CYP39A1: variants seen among roughly 807,000 people sequenced by gnomAD.
CYP39A1 encodes 24-hydroxycholesterol 7-alpha-hydroxylase.
Under a neutral mutation model 58.1 loss-of-function variants are expected in CYP39A1, and 49 were observed. The ratio of observed to expected loss-of-function variants is 0.84; its 90% CI spans 0.67 to 1.07. The LOEUF is 1.07. Among genes scored for constraint, CYP39A1 ranks in the 50% least tolerant of loss-of-function variants. The pLI is 0.00. For missense variants in CYP39A1, 531 were observed against 539.4 expected (o/e 0.98, Z 0.16); for synonymous variants, 209 against 187.6 (o/e 1.11, Z -0.93).
rs149265028 is a variant in CYP39A1 at position 46,570,907 on chromosome 6, C to T, written c.1250+16170G>A. Among the ~76,000 whole-genome samples the T allele has an allele frequency of 3.0e-3, 462 of 152,274 alleles. 1 individual carries two copies. The highest frequency in any genetic ancestry group is 0.011 in the African/African-American group (446 of 41,562). ...CAACATGAGATTTTGAGAGGACACA[C>T]ATCCATACCATATCAGATATGTTTC... is the stretch of plus-strand genomic sequence containing the variant. On this transcript the variant is annotated intron_variant, in intron 10 of 11. Coordinates refer to ENST00000275016, the MANE Select transcript of CYP39A1 (RefSeq NM_016593.5).
chr6:46,570,014 T>C (rs1771496130), intron 10 of CYP39A1, among the ~76,000 whole-genome samples: 1 of 152,136 alleles, frequency 6.6e-6, no homozygotes, highest in Non-Finnish European at 1.5e-5. Context: ...AGGAGACTTT[T>C]AATTTGTGAT....
intron 10 of CYP39A1, among the ~76,000 whole-genome samples, chr6:46,578,767 C>A (rs557936118): frequency 1.3e-5 from 2 of 151,976 alleles, no homozygotes; most frequent in South Asian, 4.2e-4. Flanking sequence ...CTGAACAGAC[C>A]AATAATGAGT....
intron 7 of CYP39A1, among the ~76,000 whole-genome samples, chr6:46,600,631 T>C (rs535294704): frequency 2.0e-4 from 31 of 152,178 alleles, no homozygotes; most frequent in African/African-American, 5.3e-4. Context: ...GTAACTTCCA[T>C]AAAATCCCTC....
Position 46,630,877 on chromosome 6 carries a change from A to C in CYP39A1, c.840+86T>G, listed in dbSNP as rs538395616. 5 of 1,117,638 alleles carry C rather than the reference A, an allele frequency of 4.5e-6. No individual in the cohort carries two copies. The South Asian group carries it at 7.2e-5, about 16-fold the overall frequency. 69.2% of individuals were successfully genotyped at this position (1,117,638 alleles called of 1,614,324 possible). On this transcript the variant is annotated intron_variant, in intron 6 of 11. Transcript: ENST00000275016. ...TTTTCCATAATGAGTGATGAGTGGA[A>C]AAAAGAATGGAAGACAGAAATGAAG...
At chr6:46,649,861 T>G (rs1762561881) in intron 1 of CYP39A1, among the ~76,000 whole-genome samples, 2 of 152,334 alleles carry the variant, frequency 1.3e-5, no homozygotes, top group South Asian at 4.1e-4. Context: ...GGGAAGATGT[T>G]TTTGTGGTCA....
In CYP39A1 at chr6:46,616,186, TCTTCTTTCCCTCC is replaced by T. The variant is rs1561994101; in HGVS notation, c.931+9219_931+9231del. Reference sequence around the variant, plus strand: ...TTTTTTCTTTCTTTCTTTCTTTCTTTCTTCTTTCCCTCCCTCCCTCCCTCCCTCCCTCCCTCCC... The same window carrying T: ...TTTTTTCTTTCTTTCTTTCTTTCTTTCTCCCTCCCTCCCTCCCTCCCTCCC... On this transcript the variant is annotated intron_variant, in intron 7 of 11. Coordinates refer to ENST00000275016, the MANE Select transcript of CYP39A1 (RefSeq NM_016593.5). 2.1e-3 allele frequency among the ~76,000 whole-genome samples: 40 copies of T among 19,340 alleles called. 1 individual carries two copies. Among genetic ancestry groups the T allele is most frequent in the South Asian group, 4.7e-3 (1 of 214 alleles). The allele number at this position is 19,340 out of a possible 152,430, so 12.7% of individuals were successfully genotyped here.
intron 1 of CYP39A1, among the ~76,000 whole-genome samples, chr6:46,648,633 T>G (rs1429964523): frequency 6.6e-6 from 1 of 151,886 alleles, no homozygotes; most frequent in Non-Finnish European, 1.5e-5. Context: ...CAAACCAGCA[T>G]GTTGTGCACA....
At chr6:46,616,156 CTTTCTTTT>C (rs1561993861) in intron 7 of CYP39A1, among the ~76,000 whole-genome samples, 44 of 11,138 alleles carry the variant, frequency 4.0e-3, no homozygotes, top group South Asian at 0.01. Flanking sequence ...TTCTTTCTTT[CTTTCTTTT>C]TTCTTTCTTT....
intron 6 of CYP39A1, among the ~76,000 whole-genome samples, chr6:46,626,393 C>T (rs921392655): frequency 6.6e-6 from 1 of 151,966 alleles, no homozygotes; most frequent in Non-Finnish European, 1.5e-5. Flanking sequence ...AGAATTGGTC[C>T]TGAAATGATT....
chr6:46,575,808 T>A (rs2150498547), intron 10 of CYP39A1, among the ~76,000 whole-genome samples: 1 of 151,858 alleles, frequency 6.6e-6, no homozygotes, highest in African/African-American at 2.4e-5. Flanking sequence ...AGTCCAGGAG[T>A]GATGAGCTGA....
rs545467861 is a variant in CYP39A1, at chr6:46,618,688, C to T, written c.931+6730G>A. Among the ~76,000 whole-genome samples, 8 of 151,896 alleles carry T rather than the reference C, an allele frequency of 5.3e-5. No homozygotes were observed. In the South Asian group the frequency reaches 1.2e-3, roughly 24 times the overall value. The stretch of plus-strand genomic sequence containing the variant: ...ATATTGGCTGGGACTAGGTGTATTA[C>T]GTATTTTTTTTTAATTTTCTGTATA... On this transcript the variant is annotated intron_variant, in intron 7 of 11. Coordinates refer to ENST00000275016, the MANE Select transcript of CYP39A1 (RefSeq NM_016593.5).
intron 7 of CYP39A1, among the ~76,000 whole-genome samples, chr6:46,604,503 C>A (rs1773718796): frequency 6.6e-6 from 1 of 152,200 alleles, no homozygotes; most frequent in African/African-American, 2.4e-5. Context: ...TGTCTTCTTT[C>A]ACCTATTTGT....
rs1221353179 is a variant in CYP39A1 at position 46,584,730 on chromosome 6, T to G, written c.1250+2347A>C. Among the ~76,000 whole-genome samples, 3 of 152,234 alleles carry G rather than the reference T, an allele frequency of 2.0e-5. No homozygotes were observed. The East Asian group carries it at 5.8e-4, about 29-fold the overall frequency. On this transcript the variant is annotated intron_variant, in intron 10 of 11. Coordinates refer to ENST00000275016, the MANE Select transcript of CYP39A1 (RefSeq NM_016593.5). Reference sequence around the variant, plus strand: ...CCAGTAACAGTAAAACCATAAGGCCTTAAGCCACATGCCTCTGTGCTTAGT... The same window carrying G: ...CCAGTAACAGTAAAACCATAAGGCCGTAAGCCACATGCCTCTGTGCTTAGT...
chr6:46,561,729 A>C (rs1332506525), intron 10 of CYP39A1, among the ~76,000 whole-genome samples: 2 of 152,186 alleles, frequency 1.3e-5, no homozygotes, highest in Non-Finnish European at 2.9e-5. Context: ...TATAGGAGGT[A>C]TTCAATAAAT....
chr6:46,602,336 T>C (rs926665), intron 7 of CYP39A1, among the ~76,000 whole-genome samples: 9,437 of 152,172 alleles, frequency 0.062, 644 homozygotes, highest in African/African-American at 0.17. Context: ...TGATATATAC[T>C]AGAGAAGTGG....
At chr6:46,614,419 G>A (rs7758684) in intron 7 of CYP39A1, among the ~76,000 whole-genome samples, 1 of 152,098 alleles carries the variant, frequency 6.6e-6, no homozygotes, top group African/African-American at 2.4e-5. Context: ...CACAAGAACC[G>A]GCTGGATTCA....
intron 7 of CYP39A1, among the ~76,000 whole-genome samples, chr6:46,611,404 A>G (rs1774205025): frequency 6.6e-6 from 1 of 152,234 alleles, no homozygotes; most frequent in Admixed American, 6.5e-5. Flanking sequence ...AGAACAGGTT[A>G]TTACATCCAA....
chr6:46,556,463 T>G (rs952280370), intron 10 of CYP39A1, among the ~76,000 whole-genome samples: 2 of 152,178 alleles, frequency 1.3e-5, no homozygotes, highest in Admixed American at 1.3e-4. Context: ...GGCAGAGTAC[T>G]GATCTCTGCA....
chr6:46,558,229 G>T (rs566211717), intron 10 of CYP39A1, among the ~76,000 whole-genome samples: 1 of 151,928 alleles, frequency 6.6e-6, no homozygotes, highest in Non-Finnish European at 1.5e-5. Context: ...ACTGTGAAAA[G>T]AACTTATCTA....
Sources: allele counts gnomAD v4.1 joint callset (sites outside exome capture counted in the v4.1 genomes callset), GRCh38; gene constraint gnomAD v4.1.1; transcripts MANE v1.5; gene names NCBI Gene and HGNC (gene_info 2026-07-23, HGNC 2026-07-21).